Variants in CBFA2T2 observed in about 807,000 individuals in gnomAD.
The protein encoded by CBFA2T2 is protein CBFA2T2.
A neutral mutation model predicts 62.2 loss-of-function variants in CBFA2T2; 11 were observed. The observed-to-expected ratio is 0.18, with a 90% confidence interval of 0.11 to 0.29. CBFA2T2 has a LOEUF of 0.29. CBFA2T2 is among the 10% of genes least tolerant of loss of function. The pLI, the probability that CBFA2T2 is intolerant of heterozygous loss-of-function variation, is 1.00. For synonymous variants in CBFA2T2, 295 were observed against 287.5 expected, an observed-to-expected ratio of 1.03 and a Z score of -0.27; for missense variants, 592 against 774.1, an observed-to-expected ratio of 0.76 and a Z score of 2.79.
intron 1 of CBFA2T2, among the ~76,000 whole-genome samples, chr20:33,550,608 G>GTTGGTTATTTATTTAT (rs2012712601): frequency 6.7e-6 from 1 of 150,084 alleles, no homozygotes; most frequent in African/African-American, 2.5e-5. Flanking sequence ...TACTAATGTG[G>GTTGGTTATTTATTTAT]TTATTTATTT....
chr20:33,542,393 A>T (rs1274109638), intron 1 of CBFA2T2, among the ~76,000 whole-genome samples: 1 of 151,956 alleles, frequency 6.6e-6, no homozygotes, highest in Non-Finnish European at 1.5e-5. Flanking sequence ...GTTTACATGA[A>T]CTTTTTGTAC....
chr20:33,584,293 T>C (rs1311515523), intron 1 of CBFA2T2, among the ~76,000 whole-genome samples: 2 of 140,364 alleles, frequency 1.4e-5, no homozygotes, highest in African/African-American at 5.4e-5. Flanking sequence ...TGAGACAGAG[T>C]CTCACTCTGT....
intron 1 of CBFA2T2, among the ~76,000 whole-genome samples, chr20:33,494,747 C>T (rs762236601): frequency 1.3e-5 from 2 of 151,766 alleles, no homozygotes; most frequent in African/African-American, 4.8e-5. Flanking sequence ...TACAGGCATG[C>T]ACCACCACAC....
intron 1 of CBFA2T2, among the ~76,000 whole-genome samples, chr20:33,532,121 C>G (rs1339829747): frequency 6.6e-6 from 1 of 152,178 alleles, no homozygotes; most frequent in Middle Eastern, 3.2e-3. Context: ...CCAGACCTCT[C>G]TAGGCCTTGT....
chr20:33,618,173 C>CTTTTTTT (rs58066954), intron 3 of CBFA2T2, among the ~76,000 whole-genome samples: 2 of 138,340 alleles, frequency 1.4e-5, no homozygotes, highest in Non-Finnish European at 1.6e-5. Context: ...ATATATTTTC[C>CTTTTTTT]TTTTTTTTTT....
At chr20:33,588,623 C>A (rs1188470620) in intron 1 of CBFA2T2, among the ~76,000 whole-genome samples, 1 of 152,108 alleles carries the variant, frequency 6.6e-6, no homozygotes, top group African/African-American at 2.4e-5. Flanking sequence ...TAAGGTTGAT[C>A]ACACAATGGC....
In CBFA2T2 at chr20:33,606,956, T is replaced by C. The variant is rs1290665045; in HGVS notation, c.35T>C (p.Leu12Pro). The part of the protein sequence containing the change: ...VGVPGAAAFQ[L>P]GPEKRVPAMP... The stretch of plus-strand genomic sequence containing the variant: ...CCTCCATTTCTCTGATTCTCTGCAG[T>C]TGGTCCTGAGAAAAGGGTGCCAGCG... Residue 12 changes from leucine to proline, a missense_variant and splice_region_variant, in exon 2 of 11, where the codon CTT (leucine) becomes CCT (proline). Leu to Pro is a moderately conservative substitution (Grantham distance 98). Coordinates refer to ENST00000342704, the MANE Select transcript of CBFA2T2 (RefSeq NM_001032999.3). 1.9e-6 allele frequency: 3 copies of C among 1,613,318 alleles called. No individual in the cohort carries two copies. The highest frequency in any genetic ancestry group is 2.5e-6 in the Non-Finnish European group (3 of 1,179,486).
At chr20:33,496,421 C>T (rs2011199754) in intron 1 of CBFA2T2, among the ~76,000 whole-genome samples, 1 of 152,160 alleles carries the variant, frequency 6.6e-6, no homozygotes, top group African/African-American at 2.4e-5. Flanking sequence ...TCTTAGTTAT[C>T]TAAGAATATA....
intron 3 of CBFA2T2, among the ~76,000 whole-genome samples, 171 bp downstream of exon 3, chr20:33,611,506 C>A (rs1035866931): frequency 6.6e-6 from 1 of 152,010 alleles, no homozygotes; most frequent in African/African-American, 2.4e-5. Context: ...ATGTAGGTTT[C>A]TTTTCTTTTC....
chr20:33,583,946 GTTTGTTTATTTA>G (rs1272171395), intron 1 of CBFA2T2, among the ~76,000 whole-genome samples: 3 of 151,806 alleles, frequency 2.0e-5, no homozygotes, highest in African/African-American at 7.3e-5. Context: ...TTGTTTGTTT[GTTTGTTTATTTA>G]TTTATTTGAG....
chr20:33,577,122 A>C (rs1208272001), intron 1 of CBFA2T2, among the ~76,000 whole-genome samples: 1 of 152,248 alleles, frequency 6.6e-6, no homozygotes, highest in East Asian at 1.9e-4. Flanking sequence ...TGGAAAACAC[A>C]GTAGAGTACC....
At chr20:33,552,143 A>G (rs1429480164) in intron 1 of CBFA2T2, among the ~76,000 whole-genome samples, 1 of 151,782 alleles carries the variant, frequency 6.6e-6, no homozygotes, top group Non-Finnish European at 1.5e-5. Context: ...TGAAGCAAAT[A>G]CACAACCATT....
chr20:33,614,015 T>G (rs2122306364), intron 3 of CBFA2T2, among the ~76,000 whole-genome samples: 1 of 151,908 alleles, frequency 6.6e-6, no homozygotes, highest in South Asian at 2.1e-4. Flanking sequence ...AAACCCCATC[T>G]CTACTAAAAA....
rs1437496708 is a variant in CBFA2T2, at chr20:33,634,689, AAAAAAAAG to A, written c.1229-1948_1229-1941del. Among the ~76,000 whole-genome samples, 18 of 149,744 alleles carry A rather than the reference AAAAAAAAG, an allele frequency of 1.2e-4. 1 individual carries two copies. The highest frequency in any genetic ancestry group is 4.0e-4 in the African/African-American group (16 of 39,608). The stretch of plus-strand genomic sequence containing the variant: ...TATGTCCAAAAAAAAAAAAAAAAAA[AAAAAAAAG>A]AATCTGAATATATGTGTTTAATGAG... On this transcript the variant is annotated intron_variant, in intron 8 of 10. Coordinates refer to ENST00000342704, the MANE Select transcript of CBFA2T2 (RefSeq NM_001032999.3).
At chr20:33,600,685 A>G (rs1251365767) in intron 1 of CBFA2T2, among the ~76,000 whole-genome samples, 2 of 152,092 alleles carry the variant, frequency 1.3e-5, no homozygotes, top group African/African-American at 4.8e-5. Context: ...CAAACACCTT[A>G]ACATTGTGTT....
chr20:33,499,921 A>G (rs2011250218), intron 1 of CBFA2T2, among the ~76,000 whole-genome samples: 2 of 152,008 alleles, frequency 1.3e-5, no homozygotes, highest in South Asian at 4.1e-4. Context: ...CTTGGTGTCA[A>G]GTTCATTCAT....
At chr20:33,562,751 AT>A in intron 1 of CBFA2T2, 1 of 812,278 alleles carries the variant, frequency 1.2e-6, no homozygotes, top group Non-Finnish European at 1.5e-6. Context: ...CTTCTTTCAA[AT>A]TACGATGATA....
At position 33,577,146 on chromosome 20, in the gene CBFA2T2, G is replaced by T. The variant is rs190832141; in HGVS notation, c.35-29810G>T. Among the ~76,000 whole-genome samples, 603 of 152,348 alleles carry T rather than the reference G, an allele frequency of 4.0e-3. 3 individuals carry two copies. The highest frequency in any genetic ancestry group is 5.2e-3 in the Non-Finnish European group (352 of 68,042). On this transcript the variant is annotated intron_variant, in intron 1 of 10. Transcript: ENST00000342704. ...CAGTAGAGTACCTGGTTATCTTTCAGAGTGTCATTGTTAAATAATCATTTC... is the reference window on the plus strand; with the variant it reads ...CAGTAGAGTACCTGGTTATCTTTCATAGTGTCATTGTTAAATAATCATTTC...
chr20:33,618,155 G>A lies in CBFA2T2; in HGVS notation c.421-1362G>A, dbSNP rs112824473. Among the ~76,000 whole-genome samples, 510 of 149,634 alleles carry A rather than the reference G, an allele frequency of 3.4e-3. 3 individuals carry two copies. Among genetic ancestry groups the A allele is most frequent in the African/African-American group, 0.012 (485 of 40,922 alleles). On this transcript the variant is annotated intron_variant, in intron 3 of 10. Transcript: ENST00000342704. ...GTAATTTTAATGTAGCTTTCTGTTG[G>A]TAGATCTATATATTTTCCTTTTTTT...
Sources: gnomAD v4.1 joint callset for allele counts (sites outside exome capture counted in the v4.1 genomes callset) on GRCh38, gnomAD v4.1.1 for gene constraint, MANE v1.5 for transcripts, NCBI Gene and HGNC (gene_info 2026-07-23, HGNC 2026-07-21) for gene names.